Variants in RNASE12 observed in about 807,000 individuals in gnomAD.
The protein encoded by RNASE12 is ribonuclease A family member 12 (inactive).
For missense variants in RNASE12, 161 were observed against 177.6 expected (o/e 0.91, Z 0.53); for synonymous variants, 55 against 59.8 (o/e 0.92, Z 0.37).
chr14:20,590,864 T>C (rs1189559994), upstream of RNASE12: 15 of 1,459,628 alleles, frequency 1.0e-5, no homozygotes, highest in Non-Finnish European at 1.4e-5. Flanking sequence ...TTTCCTTCTC[T>C]CCACTAATTA....
upstream of RNASE12, chr14:20,591,094 A>G: frequency 6.1e-6 from 6 of 985,436 alleles, no homozygotes; most frequent in South Asian, 4.7e-5. Flanking sequence ...GAAAGTGGTC[A>G]AGGTTATTCA....
chr14:20,590,712 CATT>C, exon 1 of RNASE12: 1 of 1,613,584 alleles, frequency 6.2e-7, no homozygotes, highest in Admixed American at 1.7e-5. Flanking sequence ...AAATTATCAC[CATT>C]ATTATCATCA....
chr14:20,590,176 C>T (rs573019852), downstream of RNASE12: 30 of 1,512,446 alleles, frequency 2.0e-5, no homozygotes, highest in African/African-American at 2.0e-4. Flanking sequence ...CTTCCCCTTC[C>T]GCTCAAGGCA....
In RNASE12 at chr14:20,590,483, T is replaced by C. The variant is rs767545869; in HGVS notation, c.241A>G (p.Ile81Val). Residue 81 changes from isoleucine (I) to valine (V), a missense_variant, in exon 1 of 1, where the codon ATT (isoleucine) becomes GTT (valine). Ile to Val is a conservative substitution (Grantham distance 29). Transcript: ENST00000556526. ...TGGCAAGCAACCTTCTTGGGAGAAATGCAAATACCATTGATTTTTCGAGGC... is the reference window on the plus strand; with the variant it reads ...TGGCAAGCAACCTTCTTGGGAGAAACGCAAATACCATTGATTTTTCGAGGC... 5.0e-6 allele frequency: 8 copies of C among 1,614,088 alleles called. No individual in the cohort carries two copies. In the African/African-American group the frequency reaches 6.7e-5, roughly 13 times the overall value.
downstream of RNASE12, chr14:20,590,177 G>A (rs1321414199): frequency 1.4e-5 from 21 of 1,516,218 alleles, no homozygotes; most frequent in Middle Eastern, 2.4e-4. Context: ...TTCCCCTTCC[G>A]CTCAAGGCAT....
exon 1 of RNASE12, chr14:20,590,642 C>G (rs768638480): frequency 6.2e-7 from 1 of 1,614,232 alleles, no homozygotes; most frequent in Non-Finnish European, 8.5e-7. Flanking sequence ...TGCAAGTGTT[C>G]TAAAGTTGAC....
chr14:20,590,250 G>C (rs773142687), exon 1 of RNASE12: 1 of 1,605,902 alleles, frequency 6.2e-7, no homozygotes, highest in Non-Finnish European at 8.5e-7. Flanking sequence ...ATTGAGAGAA[G>C]AGATCTCAGA....
upstream of RNASE12, chr14:20,591,375 G>A (rs76967210): frequency 2.5e-5 from 21 of 851,816 alleles, no homozygotes; most frequent in African/African-American, 3.7e-5. Context: ...GTTGTTGAAT[G>A]TGGGGAGGGC....
upstream of RNASE12, chr14:20,591,142 C>T: frequency 1.0e-6 from 1 of 985,334 alleles, no homozygotes; most frequent in Non-Finnish European, 1.2e-6. Context: ...ATTTTCTCAA[C>T]CTTAAATCCA....
chr14:20,591,322 G>T (rs76132202), upstream of RNASE12: 1 of 983,546 alleles, frequency 1.0e-6, no homozygotes, highest in East Asian at 1.1e-4. Flanking sequence ...TGACAAAATC[G>T]CTTGTGTCTT....
exon 1 of RNASE12, chr14:20,590,311 C>T (rs1358415577): frequency 5.6e-6 from 9 of 1,614,016 alleles, no homozygotes; most frequent in Non-Finnish European, 7.6e-6. Flanking sequence ...ACTATCTGGC[C>T]TCAAGTCATC....
At position 20,590,801 on chromosome 14, in the gene RNASE12, C is replaced by G. The variant is rs1446725467; in HGVS notation, c.-78G>C. ...AAGATAGAAAGTAGCAAAGGACAGT[C>G]AGATTCCTCCTGCTCCAACCCCTGG... On this transcript the variant is annotated 5_prime_UTR_variant, in exon 1 of 1. Coordinates refer to ENST00000556526, the Ensembl canonical transcript of RNASE12. 6.4e-6 allele frequency: 10 copies of G among 1,564,300 alleles called. No individual in the cohort carries two copies. In the African/African-American group the frequency reaches 1.4e-4, roughly 21 times the overall value.
At chr14:20,590,364 C>T (rs1487484454) in exon 1 of RNASE12, 1 of 1,614,106 alleles carries the variant, frequency 6.2e-7, no homozygotes, top group African/African-American at 1.3e-5. Context: ...AATAGTGGTA[C>T]CTGCAGGCAG....
exon 1 of RNASE12, chr14:20,590,353 G>T (rs201559377): frequency 5.9e-5 from 96 of 1,614,086 alleles, no homozygotes; most frequent in Non-Finnish European, 7.1e-5. Flanking sequence ...CTCTGTGGGG[G>T]AATAGTGGTA....
chr14:20,591,190 A>T (rs1231141959), upstream of RNASE12: 1 of 982,630 alleles, frequency 1.0e-6, no homozygotes. Flanking sequence ...CTACTCATCT[A>T]TTCTTCCCAA....
At chr14:20,591,275 C>A (rs1884575687), upstream of RNASE12, 1 of 985,256 alleles carries the variant, frequency 1.0e-6, no homozygotes, top group Non-Finnish European at 1.2e-6. Context: ...TTTTTCTGGT[C>A]ACTGTCACAG....
exon 1 of RNASE12, chr14:20,590,273 T>C: frequency 6.2e-7 from 1 of 1,612,302 alleles, no homozygotes; most frequent in Non-Finnish European, 8.5e-7. Flanking sequence ...CGGGAGCTGA[T>C]CTTGAGTTAT....
chr14:20,590,241 T>G lies in RNASE12; in HGVS notation c.*39A>C, dbSNP rs769861707. On this transcript the variant is annotated 3_prime_UTR_variant, in exon 1 of 1. Coordinates refer to ENST00000556526, the Ensembl canonical transcript of RNASE12. ...TCAGGCACAGCCAGCTCCAATGCCA[T>G]TGAGAGAAGAGATCTCAGACTCGGG... 4 of 1,602,290 alleles carry G rather than the reference T, an allele frequency of 2.5e-6. No individual in the cohort carries two copies. The South Asian group carries it at 4.5e-5, about 18-fold the overall frequency.
downstream of RNASE12, chr14:20,590,088 A>G (rs748480684): frequency 3.0e-5 from 33 of 1,118,192 alleles, no homozygotes; most frequent in Non-Finnish European, 4.1e-5. Flanking sequence ...GGTTTAATTC[A>G]GTAAAGATTA....
Sources: allele counts gnomAD v4.1 joint callset, GRCh38; gene constraint gnomAD v4.1.1; transcripts MANE v1.5; gene names NCBI Gene and HGNC (gene_info 2026-07-23, HGNC 2026-07-21).